MRPL2: variants seen among roughly 807,000 people sequenced by gnomAD.
MRPL2 encodes mitochondrial ribosomal protein L2, also known as large ribosomal subunit protein uL2m.
A neutral mutation model predicts 34.6 loss-of-function variants in MRPL2; 27 were observed. That is an observed-to-expected ratio of 0.78 (90% CI 0.58 to 1.08). The LOEUF is 1.08. Ranked by LOEUF, MRPL2 falls within the 50% of genes least tolerant of loss-of-function variation. MRPL2 has a pLI of 0.00. For missense variants in MRPL2, 414 were observed against 419.3 expected (o/e 0.99, Z 0.11); for synonymous variants, 155 against 158.0 (o/e 0.98, Z 0.14).
chr6:43,059,030 T>G (rs1764987264), intron 1 of MRPL2: 2 of 1,127,436 alleles, frequency 1.8e-6, no homozygotes, highest in Admixed American at 5.1e-5. Flanking sequence ...TCATAGGCAC[T>G]CGAAACGTTA....
In MRPL2 at chr6:43,055,985, C is replaced by G. The variant is rs146544912; in HGVS notation, c.543G>C (p.Ala181=). Residue 181 remains alanine, a synonymous_variant, in exon 5 of 7, where the codon GCG becomes GCC. Transcript: ENST00000388752. ...RMAVAAREGD[A]HPLGALPVGT... ...CCACAGGCAGAGCCCCAAGAGGATG[C>G]GCATCCCCTTCCCGAGCAGCAACTA... 9 of 1,614,010 alleles carry G rather than the reference C, an allele frequency of 5.6e-6. No individual in the cohort carries two copies. The East Asian group carries it at 1.1e-4, about 20-fold the overall frequency.
rs1248335503 is a variant in MRPL2, at chr6:43,058,220, C to A, written c.110G>T (p.Gly37Val). Residue 37 changes from glycine to valine, a missense_variant, in exon 2 of 7, where the codon GGC becomes GTC. Gly to Val is a moderately radical substitution (Grantham distance 109). Transcript: ENST00000388752. ...LFPAAQMMNN[G>V]LLQQPSALML... ...CAAGGCAGAGGGCTGTTGGAGGAGG[C>A]CATTGTTCATCATCTAGGGATAAAA... 1 of 1,613,728 alleles carries A rather than the reference C, an allele frequency of 6.2e-7. No individual in the cohort carries two copies. Among genetic ancestry groups the A allele is most frequent in the Non-Finnish European group, 8.5e-7 (1 of 1,179,936 alleles).
At chr6:43,059,834 C>T (rs1765042157), upstream of MRPL2, 4 of 1,171,676 alleles carry the variant, frequency 3.4e-6, no homozygotes, top group South Asian at 2.5e-5. Context: ...CTTCCCCGCC[C>T]CTCGGCGTCC....
rs774563798 is a variant in MRPL2, at chr6:43,056,451, G to A, written c.266-6C>T. ...ACCATGCACCCGGATTCGGCCTGTGGTTTAGGACAGTTGGGGGATATGATT... is the reference window on the plus strand; with the variant it reads ...ACCATGCACCCGGATTCGGCCTGTGATTTAGGACAGTTGGGGGATATGATT... On this transcript the variant is annotated splice_region_variant and splice_polypyrimidine_tract_variant and intron_variant, in intron 2 of 6. Transcript: ENST00000388752. 9.9e-6 allele frequency: 16 copies of A among 1,614,020 alleles called. No individual in the cohort carries two copies. Among genetic ancestry groups the A allele is most frequent in the East Asian group, 4.5e-5 (2 of 44,892 alleles).
chr6:43,058,102 TG>T lies in MRPL2; in HGVS notation c.227del (p.Pro76GlnfsTer2). On this transcript the variant is annotated frameshift_variant, in exon 2 of 7. Transcript: ENST00000388752. LOFTEE classifies it high-confidence loss of function. Reference protein sequence around the residue: ...WKSRTKYTITPVKMRKSGGRD... With the variant: ...WKSRTKYTITXVKMRKSGGRD... ...GGCCCCCAGACTTCCTCATCTTCACTGGTGTAATGGTGTACTTGGTACGACT... is the reference window on the plus strand; with the variant it reads ...GGCCCCCAGACTTCCTCATCTTCACTGTGTAATGGTGTACTTGGTACGACT... 1 of 1,614,168 alleles carries T rather than the reference TG, an allele frequency of 6.2e-7. No homozygotes were observed. Among genetic ancestry groups the T allele is most frequent in the African/African-American group, 1.3e-5 (1 of 75,042 alleles).
chr6:43,054,240 G>A lies in MRPL2; in HGVS notation c.*34C>T, dbSNP rs780938711. 2.3e-6 allele frequency: 2 copies of A among 851,622 alleles called. No individual in the cohort carries two copies. The highest frequency in any genetic ancestry group is 4.3e-5 in the South Asian group (2 of 45,978). The allele number at this position is 851,622 out of a possible 1,614,324, so 52.8% of individuals were successfully genotyped here. A position where few individuals can be genotyped will look rare whatever the true frequency, so the allele number is the denominator to read the frequency against. On this transcript the variant is annotated 3_prime_UTR_variant, in exon 7 of 7. Coordinates refer to ENST00000388752, the MANE Select transcript of MRPL2 (RefSeq NM_015950.5). ...AAAACCACAGTAACAGATTAAAACG[G>A]GGGGGGGGGGCATTTTATTAGAGTA...
Position 43,054,247 on chromosome 6 carries a change from G to C in MRPL2, c.*27C>G, listed in dbSNP as rs372494027. The C allele has an allele frequency of 1.4e-5, 19 of 1,392,318 alleles. No homozygotes were observed. The highest frequency in any genetic ancestry group is 2.0e-4 in the Middle Eastern group (1 of 4,884). 86.2% of individuals were successfully genotyped at this position (1,392,318 alleles called of 1,614,324 possible). A position where few individuals can be genotyped will look rare whatever the true frequency, so the allele number is the denominator to read the frequency against. On this transcript the variant is annotated 3_prime_UTR_variant, in exon 7 of 7. Coordinates refer to ENST00000388752, the MANE Select transcript of MRPL2 (RefSeq NM_015950.5). ...CAGTAACAGATTAAAACGGGGGGGG[G>C]GGGCATTTTATTAGAGTACAGGGAT... is the stretch of plus-strand genomic sequence containing the variant.
intron 1 of MRPL2, 112 bp from the exon 2 acceptor site, chr6:43,058,345 A>T: frequency 1.0e-6 from 1 of 997,628 alleles, no homozygotes. Flanking sequence ...TTCCTCCTGG[A>T]TGTATCCCAA....
intron 1 of MRPL2, 116 bp downstream of exon 1, chr6:43,059,170 G>C: frequency 2.6e-6 from 4 of 1,550,350 alleles, no homozygotes; most frequent in Non-Finnish European, 3.5e-6. Context: ...CCTTATCCAA[G>C]GTCACGGACC....
chr6:43,054,528 A>G lies in MRPL2; in HGVS notation c.706-42T>C, dbSNP rs771055464. 2.8e-5 allele frequency: 44 copies of G among 1,565,422 alleles called. No homozygotes were observed. In the African/African-American group the frequency reaches 5.4e-4, roughly 19 times the overall value. Reference sequence around the variant, plus strand: ...ATGGAGATTCTGTACAATGGGGGGGAAAGAGCTTGACAATGTTGAGAGCAC... The same window carrying G: ...ATGGAGATTCTGTACAATGGGGGGGGAAGAGCTTGACAATGTTGAGAGCAC... On this transcript the variant is annotated intron_variant, in intron 6 of 6. Transcript: ENST00000388752.
At chr6:43,054,525 G>A (rs577749407) in intron 6 of MRPL2, 39 bp from the exon 7 acceptor site, 9 of 1,575,434 alleles carry the variant, frequency 5.7e-6, no homozygotes, top group Non-Finnish European at 7.8e-6. Context: ...TACAATGGGG[G>A]GGAAAGAGCT....
At chr6:43,056,231 T>C (rs1186248377) in intron 3 of MRPL2, 35 bp from the exon 4 acceptor site, 2 of 1,612,280 alleles carry the variant, frequency 1.2e-6, no homozygotes, top group East Asian at 4.5e-5. Flanking sequence ...GCAGACCGTC[T>C]AGGCAGCCCC....
rs1764713471 is a variant in MRPL2, at chr6:43,054,113, TCTCTTCCACACTTTTTA to T, written c.*144_*160del. The stretch of plus-strand genomic sequence containing the variant: ...GGGACAGACCCAGTGTCCTGTACTT[TCTCTTCCACACTTTTTA>T]CTTCTTTTCCCCACGTTTAGTCTGT... On this transcript the variant is annotated 3_prime_UTR_variant, in exon 7 of 7. Transcript: ENST00000388752. The T allele has an allele frequency of 5.3e-5, 35 of 657,708 alleles. No individual in the cohort carries two copies. In the South Asian group the frequency reaches 6.7e-4, roughly 13 times the overall value. 40.7% of individuals were successfully genotyped at this position (657,708 alleles called of 1,614,324 possible).
intron 1 of MRPL2, 116 bp downstream of exon 1, chr6:43,059,170 G>A (rs1188621781): frequency 1.9e-6 from 3 of 1,550,232 alleles, no homozygotes; most frequent in Non-Finnish European, 2.6e-6. Context: ...CCTTATCCAA[G>A]GTCACGGACC....
At chr6:43,059,737 T>G, upstream of MRPL2, 1 of 1,238,028 alleles carries the variant, frequency 8.1e-7, no homozygotes, top group East Asian at 3.8e-5. Flanking sequence ...CTGCCATCTC[T>G]TATTCTCGCA....
chr6:43,057,855 A>G, intron 2 of MRPL2: 2 of 496,248 alleles, frequency 4.0e-6, no homozygotes, highest in Admixed American at 3.8e-5. Context: ...TCAATTACCC[A>G]AATTGTCTTT....
rs971200896 is a variant in MRPL2 at position 43,055,255 on chromosome 6, G to A, written c.705+290C>T. On this transcript the variant is annotated intron_variant, in intron 6 of 6. Transcript: ENST00000388752. ...TGCGTGCCTGCAATCCCAGCTACTC[G>A]GGAGGCTGAGGCAGAATTGCTAGAA... Among the ~76,000 whole-genome samples the A allele has an allele frequency of 3.3e-5, 5 of 152,184 alleles. No individual in the cohort carries two copies. The East Asian group carries it at 5.8e-4, about 18-fold the overall frequency.
chr6:43,059,483 A>C, upstream of MRPL2: 1 of 1,444,096 alleles, frequency 6.9e-7, no homozygotes, highest in Non-Finnish European at 9.1e-7. Flanking sequence ...AGGCGGGCAG[A>C]AAACTGGAGC....
chr6:43,059,446 G>T, upstream of MRPL2: 2 of 1,475,648 alleles, frequency 1.4e-6, no homozygotes, highest in Non-Finnish European at 1.8e-6. Context: ...ACTGTCCGGC[G>T]CCGTCGCTCC....
Sources: gnomAD v4.1 joint callset for allele counts (sites outside exome capture counted in the v4.1 genomes callset) on GRCh38, gnomAD v4.1.1 for gene constraint, MANE v1.5 for transcripts, NCBI Gene and HGNC (gene_info 2026-07-23, HGNC 2026-07-21) for gene names.